The following NEBL variants were observed in gnomAD, a reference collection of about 807,000 sequenced individuals.
NEBL encodes LIM and SH3 protein 2.
In NEBL, 122 loss-of-function variants were observed where a neutral mutation model predicts 140.2. The ratio of observed to expected loss-of-function variants is 0.87; its 90% CI spans 0.75 to 1.01. The LOEUF (loss-of-function observed/expected upper bound fraction) is 1.01. Ranked by LOEUF, NEBL falls within the 50% of genes least tolerant of loss-of-function variation. NEBL has a pLI of 0.00. For missense variants in NEBL, 1,365 were observed against 1,231.3 expected (o/e 1.11, Z -1.62); for synonymous variants, 436 against 398.9 (o/e 1.09, Z -1.11).
chr10:20,855,721 T>C (rs1156743247), intron 9 of NEBL, among the ~76,000 whole-genome samples: 2 of 152,076 alleles, frequency 1.3e-5, no homozygotes, highest in Admixed American at 1.3e-4. Context: ...CAGGGGAAAA[T>C]GTTTTCCAAA....
intron 2 of NEBL, among the ~76,000 whole-genome samples, chr10:21,084,285 TCA>T (rs1234608195): frequency 6.6e-6 from 1 of 152,266 alleles, no homozygotes; most frequent in African/African-American, 2.4e-5. Context: ...GTTGCCTCAT[TCA>T]CAGATTGCTT....
intron 4 of NEBL, among the ~76,000 whole-genome samples, chr10:20,881,437 G>C (rs1228819041): frequency 6.6e-6 from 1 of 152,136 alleles, no homozygotes; most frequent in Non-Finnish European, 1.5e-5. Context: ...AAATGGACCA[G>C]TGCCATCCAT....
chr10:20,835,592 A>G lies in NEBL; in HGVS notation c.1370T>C (p.Ile457Thr). Residue 457 changes from isoleucine (I) to threonine (T), a missense_variant, in exon 14 of 28, where the codon ATT (isoleucine) becomes ACT (threonine). By Grantham distance (89) the Ile-to-Thr change is moderately conservative. Around this residue, in one of 2 missense-constraint regions of NEBL, gnomAD observed 1,323 missense variants for 1,154.8 expected, o/e 1.15. Coordinates refer to ENST00000377122, the MANE Select transcript of NEBL (RefSeq NM_006393.3). ...GCCAGCTTGCATTCCTTTCCCTTTA[A>G]TTATTGACTCCAGGTCTTTCTTGTA... Reference protein sequence around the residue: ...KEYKKDLESIIKGKGMQAGTD... With the variant: ...KEYKKDLESITKGKGMQAGTD... 2 of 1,611,854 alleles carry G rather than the reference A, an allele frequency of 1.2e-6. No individual in the cohort carries two copies. Among genetic ancestry groups the G allele is most frequent in the Non-Finnish European group, 1.7e-6 (2 of 1,179,352 alleles).
At chr10:20,924,831 A>C (rs1451761718) in intron 4 of NEBL, among the ~76,000 whole-genome samples, 5 of 152,022 alleles carry the variant, frequency 3.3e-5, no homozygotes, top group Non-Finnish European at 5.9e-5. Context: ...AGCTTAGTTA[A>C]CCATAATCCG....
chr10:21,036,156 C>T (rs1157806014), intron 2 of NEBL, among the ~76,000 whole-genome samples: 4 of 151,348 alleles, frequency 2.6e-5, no homozygotes, highest in African/African-American at 4.9e-5. Flanking sequence ...CAGCTGGAGT[C>T]TCAAAAGAAA....
At chr10:20,822,687 T>C (rs944482221) in intron 19 of NEBL, among the ~76,000 whole-genome samples, 5 of 151,530 alleles carry the variant, frequency 3.3e-5, no homozygotes, top group Non-Finnish European at 7.4e-5. Flanking sequence ...GATATATAGA[T>C]ATATAGAGAC....
intron 3 of NEBL, among the ~76,000 whole-genome samples, chr10:21,239,212 C>T (rs1842402656): frequency 6.6e-6 from 1 of 152,058 alleles, no homozygotes; most frequent in African/African-American, 2.4e-5. Context: ...TCTGTTCCAA[C>T]TCGTCCTGGT....
At chr10:21,073,506 A>T (rs7904982) in intron 2 of NEBL, among the ~76,000 whole-genome samples, 4,939 of 151,224 alleles carry the variant, frequency 0.033, 117 homozygotes, top group African/African-American at 0.066. Context: ...AATCCGAGCT[A>T]CTCAGGAGGC....
At chr10:21,257,272 C>A (rs1842670336) in intron 1 of NEBL, among the ~76,000 whole-genome samples, 1 of 152,146 alleles carries the variant, frequency 6.6e-6, no homozygotes, top group Non-Finnish European at 1.5e-5. Context: ...TCAGACATAC[C>A]TATATAAATA....
At chr10:21,012,977 C>T (rs1182604358) in intron 3 of NEBL, among the ~76,000 whole-genome samples, 1 of 152,056 alleles carries the variant, frequency 6.6e-6, no homozygotes, top group Non-Finnish European at 1.5e-5. Flanking sequence ...ATTAAAGGGT[C>T]GAAAACCTAG....
At chr10:21,146,949 T>C (rs1210103712) in intron 2 of NEBL, among the ~76,000 whole-genome samples, 3 of 152,192 alleles carry the variant, frequency 2.0e-5, no homozygotes, top group East Asian at 1.9e-4. Context: ...AGAAAATCAA[T>C]GGCTTCTTGA....
intron 4 of NEBL, among the ~76,000 whole-genome samples, chr10:20,950,282 G>A (rs1366670583): frequency 5.3e-5 from 8 of 152,184 alleles, no homozygotes; most frequent in African/African-American, 1.4e-4. Flanking sequence ...GATCTCAAAA[G>A]TGGTATCATC....
intron 12 of NEBL, among the ~76,000 whole-genome samples, chr10:20,842,855 T>C (rs1841524047): frequency 6.6e-6 from 1 of 152,116 alleles, no homozygotes; most frequent in Non-Finnish European, 1.5e-5. Flanking sequence ...TCTTTGACTA[T>C]CACCTTGCCA....
At chr10:21,100,453 C>A (rs1837429511) in intron 2 of NEBL, among the ~76,000 whole-genome samples, 1 of 152,200 alleles carries the variant, frequency 6.6e-6, no homozygotes, top group African/African-American at 2.4e-5. Context: ...TGCTAAGCAA[C>A]ACTTTTGCAC....
At chr10:21,224,090 C>T (rs1842111878) in intron 3 of NEBL, among the ~76,000 whole-genome samples, 1 of 152,142 alleles carries the variant, frequency 6.6e-6, no homozygotes, top group African/African-American at 2.4e-5. Flanking sequence ...GAATTTGCCA[C>T]TCCAATGTCC....
intron 2 of NEBL, among the ~76,000 whole-genome samples, chr10:21,068,989 A>G (rs925680173): frequency 6.6e-6 from 1 of 152,184 alleles, no homozygotes; most frequent in African/African-American, 2.4e-5. Context: ...CCTGGACTCA[A>G]GCAATCCTCC....
At chr10:20,860,282 T>G (rs376023264) in intron 7 of NEBL, among the ~76,000 whole-genome samples, 15 of 152,156 alleles carry the variant, frequency 9.9e-5, no homozygotes, top group African/African-American at 3.4e-4. Flanking sequence ...TTTCCTATAC[T>G]TCATTTGCTC....
At chr10:20,852,790 G>C in intron 9 of NEBL, 141 bp from the exon 10 acceptor site, 1 of 748,456 alleles carries the variant, frequency 1.3e-6, no homozygotes, top group South Asian at 1.5e-5. Context: ...TTGGCTGGCA[G>C]GTAGGAGGTT....
In NEBL at chr10:21,173,167, G is replaced by A. The variant is rs1319166206; in HGVS notation, c.69+598C>T. Among the ~76,000 whole-genome samples the A allele has an allele frequency of 6.6e-6, 1 of 152,224 alleles. No individual in the cohort carries two copies. Among genetic ancestry groups the A allele is most frequent in the Non-Finnish European group, 1.5e-5 (1 of 68,026 alleles). ...CAGGGGGCAGGGCTGGAGGGGCCCG[G>A]CTACAGAACTACTTCCCCTGGAATT... On this transcript the variant is annotated intron_variant, in intron 1 of 6. Transcript: ENST00000417816. This position sits in a 1 kb window ranked among gnomAD's most constrained non-coding sequence, Gnocchi z 5.7.
Sources: allele counts gnomAD v4.1 joint callset (sites outside exome capture counted in the v4.1 genomes callset), GRCh38; gene constraint gnomAD v4.1.1; regional missense constraint gnomAD v4.1.1; non-coding constraint Gnocchi (gnomAD v3.1); transcripts MANE v1.5; gene names NCBI Gene and HGNC (gene_info 2026-07-23, HGNC 2026-07-21).